ADGRE3: variants seen among roughly 807,000 people sequenced by gnomAD.
ADGRE3 encodes the protein EGF-like module receptor 3.
Under a neutral mutation model 80.1 loss-of-function variants are expected in ADGRE3, and 88 were observed. The ratio of observed to expected loss-of-function variants is 1.10; its 90% CI spans 0.93 to 1.31. ADGRE3 has a LOEUF of 1.31. ADGRE3 is among the 40% of genes most tolerant of loss of function. The probability of loss-of-function intolerance (pLI) is 0.00; values close to 1 mark genes in which losing one functional copy is unlikely to be tolerated. For missense variants in ADGRE3, 715 were observed against 776.5 expected (o/e 0.92, Z 0.94); for synonymous variants, 281 against 294.8 (o/e 0.95, Z 0.48).
rs757783411 is a variant in ADGRE3 at position 14,625,478 on chromosome 19, G to T, written c.1920+14C>A. 4 of 1,477,052 alleles carry T rather than the reference G, an allele frequency of 2.7e-6. No homozygotes were observed. In the South Asian group the frequency reaches 3.4e-5, roughly 13 times the overall value. 91.5% of individuals were successfully genotyped at this position (1,477,052 alleles called of 1,614,324 possible). ...GTATGTAAAACATTAGAACAATTCAGATGTTTCACTTACCTCACTGGGTTT... is the reference window on the plus strand; with the variant it reads ...GTATGTAAAACATTAGAACAATTCATATGTTTCACTTACCTCACTGGGTTT... On this transcript the variant is annotated intron_variant, in intron 15 of 15. Coordinates refer to ENST00000253673, the MANE Select transcript of ADGRE3 (RefSeq NM_032571.5).
At chr19:14,608,146 A>G in the ADGRE3 span, among the ~76,000 whole-genome samples, 23 of 152,192 alleles carry the variant, frequency 1.5e-4, no homozygotes, top group Non-Finnish European at 7.3e-5. Context: ...TGCTGGGATG[A>G]CAGGCTTGAG....
In ADGRE3 at chr19:14,633,251, G is replaced by C; in HGVS notation, c.1536C>G (p.Val512=). 6.2e-7 allele frequency: 1 copy of C among 1,612,936 alleles called. No individual in the cohort carries two copies. The highest frequency in any genetic ancestry group is 8.5e-7 in the Non-Finnish European group (1 of 1,179,340). The stretch of plus-strand genomic sequence containing the variant: ...ACATACTCACAGAGAAAATGGCACA[G>C]ACTGGGCCAAGGAAACTCCACATGA... ...QGFMWSFLGP[V]CAIFSANLVL... The change falls in exon 12 of 16, where the codon GTC becomes GTG. Residue 512 remains valine (V), a synonymous_variant. Coordinates refer to ENST00000253673, the MANE Select transcript of ADGRE3 (RefSeq NM_032571.5).
chr19:14,618,889 A>G (rs2075100089), downstream of ADGRE3, among the ~76,000 whole-genome samples: 2 of 147,142 alleles, frequency 1.4e-5, no homozygotes, highest in South Asian at 2.1e-4. Context: ...GTATCTAGCA[A>G]GGAAGTAAAG....
chr19:14,640,513 A>G (rs1971219012), intron 10 of ADGRE3, among the ~76,000 whole-genome samples: 1 of 151,194 alleles, frequency 6.6e-6, no homozygotes, highest in Non-Finnish European at 1.5e-5. Flanking sequence ...CTGGCCTTGA[A>G]CTCCTGACCT....
chr19:14,614,797 A>G (rs1056794308), downstream of ADGRE3, among the ~76,000 whole-genome samples: 2 of 151,856 alleles, frequency 1.3e-5, no homozygotes, highest in African/African-American at 4.8e-5. Flanking sequence ...GGCTGGTCTC[A>G]AACCCCTGGC....
intron 7 of ADGRE3, among the ~76,000 whole-genome samples, chr19:14,648,180 T>G (rs1971468717): frequency 6.6e-6 from 1 of 151,482 alleles, no homozygotes; most frequent in African/African-American, 2.4e-5. Context: ...AGACAATGAA[T>G]AATAATCTAT....
chr19:14,650,638 TCTCTCTCTCTCTC>T (rs1568490845), intron 7 of ADGRE3, among the ~76,000 whole-genome samples: 1,944 of 86,480 alleles, frequency 0.022, 81 homozygotes, highest in African/African-American at 0.063. Flanking sequence ...CATCTCTCTC[TCTCTCTCTCTCTC>T]TCTCTCTCTC....
chr19:14,609,613 G>A, the ADGRE3 span, among the ~76,000 whole-genome samples: 8 of 148,302 alleles, frequency 5.4e-5, no homozygotes, highest in South Asian at 1.1e-3. Context: ...TGAGGCGGGC[G>A]GATCACTTGA....
intron 15 of ADGRE3, among the ~76,000 whole-genome samples, chr19:14,624,389 A>C (rs112538588): frequency 0.1 from 15,288 of 152,142 alleles, 823 homozygotes; most frequent in African/African-American, 0.14. Context: ...CCACTGTGCC[A>C]GGCCTGTGGC....
chr19:14,659,950 T>C lies in ADGRE3; in HGVS notation c.356-1400A>G, dbSNP rs186997060. 2.7e-3 allele frequency among the ~76,000 whole-genome samples: 417 copies of C among 152,234 alleles called. 1 individual carries two copies. The highest frequency in any genetic ancestry group is 4.4e-3 in the Non-Finnish European group (298 of 68,020). ...TGGTTTTCAGCTCAGTCTATTTGCT[T>C]AAAAGCACAAACAGCTTTGTTTTAA... On this transcript the variant is annotated intron_variant, in intron 4 of 15. Transcript: ENST00000253673.
At chr19:14,666,374 G>T (rs1972106536) in intron 2 of ADGRE3, among the ~76,000 whole-genome samples, 2 of 97,102 alleles carry the variant, frequency 2.1e-5, no homozygotes. Flanking sequence ...ATGTTTCTTG[G>T]CCTATTTTTT....
rs61729083 is a variant in ADGRE3, at chr19:14,625,504, T to C, written c.1908A>G (p.Ser636=). 0.07 allele frequency: 112,353 copies of C among 1,606,992 alleles called. 4,616 individuals carry two copies. The highest frequency in any genetic ancestry group is 0.14 in the Admixed American group (8,429 of 59,980). The part of the protein sequence containing the change: ...YTLSSKMGPD[S]KPSEGDVFPG... The stretch of plus-strand genomic sequence containing the variant: ...ATGTTTCACTTACCTCACTGGGTTT[T>C]GAGTCAGGACCCATCTTGCTGGAAA... The change falls in exon 15 of 16, where the codon TCA becomes TCG. Residue 636 remains serine (S), a synonymous_variant. Coordinates refer to ENST00000253673, the MANE Select transcript of ADGRE3 (RefSeq NM_032571.5).
At chr19:14,616,742 G>A (rs1374308253), downstream of ADGRE3, among the ~76,000 whole-genome samples, 1 of 151,686 alleles carries the variant, frequency 6.6e-6, no homozygotes, top group African/African-American at 2.4e-5. Context: ...GAACAGTGAG[G>A]AGGTTGGAGC....
chr19:14,659,647 C>G (rs139225411), intron 4 of ADGRE3, among the ~76,000 whole-genome samples: 9,206 of 151,372 alleles, frequency 0.061, 580 homozygotes, highest in African/African-American at 0.15. Flanking sequence ...ATGGCAAAAC[C>G]CTGTCTCTAC....
At chr19:14,613,933 G>A in the ADGRE3 span, among the ~76,000 whole-genome samples, 1 of 152,000 alleles carries the variant, frequency 6.6e-6, no homozygotes, top group African/African-American at 2.4e-5. Flanking sequence ...TGATCCACCC[G>A]CCTTGGCCTC....
downstream of ADGRE3, among the ~76,000 whole-genome samples, chr19:14,617,356 T>C (rs1233812126): frequency 8.3e-3 from 782 of 94,768 alleles, 5 homozygotes; most frequent in Middle Eastern, 0.013. Flanking sequence ...CTTTCTTTCT[T>C]TCTTTCTTTC....
the ADGRE3 span, among the ~76,000 whole-genome samples, chr19:14,612,147 T>A: frequency 6.6e-6 from 1 of 152,208 alleles, no homozygotes; most frequent in Admixed American, 6.6e-5. Context: ...GGGGCTGCCA[T>A]AACAAAGGAC....
rs1970468604 is a variant in ADGRE3 at position 14,619,333 on chromosome 19, A to G, written c.*100T>C. On this transcript the variant is annotated 3_prime_UTR_variant, in exon 16 of 16. Transcript: ENST00000253673. ...AAGGTTGATTACTTCCTCTCCAAGG[A>G]TGATATGTTTAATGAATTCCCTTTT... The G allele has an allele frequency of 1.1e-6, 1 of 906,020 alleles. No individual in the cohort carries two copies. The highest frequency in any genetic ancestry group is 1.8e-5 in the Admixed American group (1 of 54,896). The allele number at this position is 906,020 out of a possible 1,614,324, so 56.1% of individuals were successfully genotyped here.
the ADGRE3 span, among the ~76,000 whole-genome samples, chr19:14,611,523 G>A: frequency 3.3e-5 from 5 of 151,682 alleles, no homozygotes; most frequent in East Asian, 1.9e-4. Context: ...GACTACAGGC[G>A]TTCACCCTCA....
Sources: gnomAD v4.1 joint callset for allele counts (sites outside exome capture counted in the v4.1 genomes callset) on GRCh38, gnomAD v4.1.1 for gene constraint, MANE v1.5 for transcripts, NCBI Gene and HGNC (gene_info 2026-07-23, HGNC 2026-07-21) for gene names.